Variants in EYS observed in about 807,000 individuals in gnomAD.
EYS encodes the protein EGF-like photoreceptor maintenance factor, also known as protein eyes shut homolog.
A neutral mutation model predicts 282.1 loss-of-function variants in EYS; 250 were observed. The observed-to-expected ratio is 0.89, with a 90% CI of 0.80 to 0.98. The LOEUF (loss-of-function observed/expected upper bound fraction) is 0.98, where lower values mean the gene tolerates loss of function less well. EYS is among the 50% of genes least tolerant of loss of function. The pLI is 0.00. For synonymous variants in EYS, 1,355 were observed against 1,282.9 expected, an observed-to-expected ratio of 1.06 and a Z score of -1.20; for missense variants, 4,016 against 3,709.0, an observed-to-expected ratio of 1.08 and a Z score of -2.15.
In EYS at chr6:63,743,233, CTTA is replaced by C. The variant is rs567130006; in HGVS notation, c.8072-16556_8072-16554del. Among the ~76,000 whole-genome samples the C allele has an allele frequency of 3.8e-3, 586 of 152,226 alleles. 3 individuals are homozygous for C. Among genetic ancestry groups the C allele is most frequent in the African/African-American group, 0.012 (510 of 41,542 alleles). On this transcript the variant is annotated intron_variant, in intron 41 of 42. Transcript: ENST00000503581. ...TTTAGACTTGTGGGTATACATTATACTTATTATTAACTTTGAGGCCTTGGCCTG... is the reference window on the plus strand; with the variant it reads ...TTTAGACTTGTGGGTATACATTATACTTATTAACTTTGAGGCCTTGGCCTG...
At chr6:64,023,808 C>A (rs140293074) in intron 33 of EYS, among the ~76,000 whole-genome samples, 2,940 of 152,266 alleles carry the variant, frequency 0.019, 33 homozygotes, top group Non-Finnish European at 0.032. Flanking sequence ...GGGGCTGTGC[C>A]GCGGTGTTTG....
chr6:64,703,920 A>G (rs1194370853), intron 22 of EYS, among the ~76,000 whole-genome samples: 1 of 152,174 alleles, frequency 6.6e-6, no homozygotes, highest in Non-Finnish European at 1.5e-5. Context: ...TATCTTTCTC[A>G]GAGCTGAATA....
chr6:64,021,434 G>C (rs1769186479), intron 33 of EYS, among the ~76,000 whole-genome samples: 1 of 151,634 alleles, frequency 6.6e-6, no homozygotes, highest in African/African-American at 2.4e-5. Context: ...CAGGGATGCT[G>C]GCAAACTTCC....
In EYS at chr6:65,208,552, A is replaced by C. The variant is rs150444051; in HGVS notation, c.2023+87311T>G. 6.4e-3 allele frequency among the ~76,000 whole-genome samples: 980 copies of C among 152,078 alleles called. 6 individuals carry two copies. The highest frequency in any genetic ancestry group is 0.022 in the African/African-American group (914 of 41,562). On this transcript the variant is annotated intron_variant, in intron 12 of 42. Coordinates refer to ENST00000503581, the MANE Select transcript of EYS (RefSeq NM_001142800.2). ...CAGAGCAAAGTCACGGAATCAAGCT[A>C]TGTGTCCATCAATGGTTGATTGGAT...
At chr6:64,983,381 G>C (rs1364636075) in intron 14 of EYS, among the ~76,000 whole-genome samples, 1 of 151,148 alleles carries the variant, frequency 6.6e-6, no homozygotes, top group African/African-American at 2.4e-5. Context: ...GTGAATATAA[G>C]AAATGCGGGA....
rs139995694 is a variant in EYS, at chr6:64,068,994, G to A, written c.6572-2503C>T. 8.7e-4 allele frequency among the ~76,000 whole-genome samples: 132 copies of A among 152,106 alleles called. 2 individuals carry two copies. The East Asian group carries it at 0.013, about 15-fold the overall frequency. ...AAGGGAGGAAGAGGGAGACTTGATG[G>A]CAGATGAGGAGAAGGCCATGTGACT... On this transcript the variant is annotated intron_variant, in intron 32 of 42. Coordinates refer to ENST00000503581, the MANE Select transcript of EYS (RefSeq NM_001142800.2).
At position 63,863,663 on chromosome 6, in the gene EYS, C is replaced by CTTTTTTT. The variant is rs1436358110; in HGVS notation, c.7228+522_7228+523insAAAAAAA. Among the ~76,000 whole-genome samples the CTTTTTTT allele has an allele frequency of 2.5e-4, 14 of 55,792 alleles. 7 individuals carry two copies. Among genetic ancestry groups the CTTTTTTT allele is most frequent in the Non-Finnish European group, 3.8e-4 (10 of 26,222 alleles). The allele number at this position is 55,792 out of a possible 152,430, so 36.6% of individuals were successfully genotyped here. On this transcript the variant is annotated intron_variant, in intron 36 of 42. Coordinates refer to ENST00000503581, the MANE Select transcript of EYS (RefSeq NM_001142800.2). The stretch of plus-strand genomic sequence containing the variant: ...TTTTTCTTTTCTTTTCTTTTCTTTT[C>CTTTTTTT]TTTTCTTTTTTCTTTTTTTTTTTTT...
chr6:65,515,752 G>A (rs1767105307), intron 2 of EYS, among the ~76,000 whole-genome samples: 1 of 137,254 alleles, frequency 7.3e-6, no homozygotes, highest in Non-Finnish European at 1.5e-5. Context: ...GAGAACACAC[G>A]GACACAGGAA....
chr6:64,604,561 G>A (rs1201519182), intron 24 of EYS, among the ~76,000 whole-genome samples: 1 of 151,970 alleles, frequency 6.6e-6, no homozygotes, highest in African/African-American at 2.4e-5. Context: ...CTTCTCTGGT[G>A]TCTGATAATT....
At chr6:64,811,779 T>C (rs1458549396) in intron 22 of EYS, among the ~76,000 whole-genome samples, 1 of 152,116 alleles carries the variant, frequency 6.6e-6, no homozygotes, top group East Asian at 1.9e-4. Context: ...CAGATGCCTA[T>C]GCCATGCTCT....
chr6:64,048,834 A>G (rs1582199026), intron 33 of EYS, among the ~76,000 whole-genome samples: 1 of 151,956 alleles, frequency 6.6e-6, no homozygotes, highest in Non-Finnish European at 1.5e-5. Context: ...GACCTGTCAT[A>G]TGTAGCTCCA....
In EYS at chr6:63,720,359, G is replaced by C. The variant is rs1768325067; in HGVS notation, c.*237C>G. 4.5e-6 allele frequency: 2 copies of C among 440,796 alleles called. No homozygotes were observed. The highest frequency in any genetic ancestry group is 8.0e-6 in the Non-Finnish European group (2 of 250,920). The allele number at this position is 440,796 out of a possible 1,614,324, so 27.3% of individuals were successfully genotyped here. A position where few individuals can be genotyped will look rare whatever the true frequency, so the allele number is the denominator to read the frequency against. ...GTGAATAAGCACATTCTGTGAATAA[G>C]CACTGAACTAATGGAGTTAAAACAT... On this transcript the variant is annotated 3_prime_UTR_variant, in exon 43 of 43. Transcript: ENST00000503581.
chr6:63,877,465 C>G (rs1334896533), intron 35 of EYS, among the ~76,000 whole-genome samples: 2 of 152,006 alleles, frequency 1.3e-5, no homozygotes, highest in South Asian at 4.2e-4. Context: ...TTGCACTTCT[C>G]AAGGAGTTTC....
At chr6:63,870,406 G>T (rs1213464690) in intron 35 of EYS, among the ~76,000 whole-genome samples, 3 of 152,108 alleles carry the variant, frequency 2.0e-5, no homozygotes, top group African/African-American at 7.2e-5. Context: ...TTACAAAATT[G>T]CTGTGGGTGG....
intron 22 of EYS, among the ~76,000 whole-genome samples, chr6:64,715,606 G>T (rs567945568): frequency 2.6e-5 from 4 of 152,186 alleles, no homozygotes; most frequent in Non-Finnish European, 5.9e-5. Flanking sequence ...TTCTGTGGCT[G>T]GGAAGTAATG....
At chr6:65,429,424 TCCA>T (rs1767792760) in intron 5 of EYS, among the ~76,000 whole-genome samples, 1 of 152,196 alleles carries the variant, frequency 6.6e-6, no homozygotes, top group Non-Finnish European at 1.5e-5. Context: ...CAATTCATTT[TCCA>T]GCAGGCAAAG....
intron 19 of EYS, among the ~76,000 whole-genome samples, chr6:64,825,326 A>T (rs1204202434): frequency 6.6e-6 from 1 of 151,940 alleles, no homozygotes; most frequent in Non-Finnish European, 1.5e-5. Flanking sequence ...TCCTTGTAGC[A>T]TTCCATAAGA....
intron 22 of EYS, among the ~76,000 whole-genome samples, chr6:64,694,937 A>G (rs546912977): frequency 5.7e-4 from 86 of 152,180 alleles, no homozygotes; most frequent in Non-Finnish European, 1.1e-3. Flanking sequence ...CTGGGTCAGG[A>G]GCAGGAGAGT....
intron 12 of EYS, among the ~76,000 whole-genome samples, chr6:65,256,480 T>G (rs1388994693): frequency 7.7e-6 from 1 of 129,134 alleles, no homozygotes; most frequent in East Asian, 2.2e-4. Flanking sequence ...CCATGCGATC[T>G]CATTGTTCAA....
Sources: gnomAD v4.1 joint callset for allele counts (sites outside exome capture counted in the v4.1 genomes callset) on GRCh38, gnomAD v4.1.1 for gene constraint, MANE v1.5 for transcripts, NCBI Gene and HGNC (gene_info 2026-07-23, HGNC 2026-07-21) for gene names.